Variants in SYNPR observed in about 807,000 individuals in gnomAD.
The protein encoded by SYNPR is synaptoporin.
In SYNPR, 23 loss-of-function variants were observed where a neutral mutation model predicts 32.9. The ratio of observed to expected loss-of-function variants is 0.70; its 90% CI spans 0.50 to 0.99. The LOEUF is 0.99. Among genes scored for constraint, SYNPR ranks in the 50% least tolerant of loss-of-function variants. The probability of loss-of-function intolerance (pLI) is 0.00; values close to 1 mark genes in which losing one functional copy is unlikely to be tolerated. For synonymous variants in SYNPR, 146 were observed against 135.9 expected (o/e 1.07, Z -0.52); for missense variants, 318 against 349.3 (o/e 0.91, Z 0.71).
At chr3:63,386,600 T>TTTCCTTCCTTCCTTCCTTCCTTCC (rs796874443) in intron 2 of SYNPR, among the ~76,000 whole-genome samples, 1 of 92,320 alleles carries the variant, frequency 1.1e-5, no homozygotes, top group African/African-American at 5.8e-5. Context: ...TTGGATTATA[T>TTTCCTTCCTTCCTTCCTTCCTTCC]TTACTTCCTT....
intron 3 of SYNPR, among the ~76,000 whole-genome samples, chr3:63,529,112 G>A (rs1702066891): frequency 6.6e-6 from 1 of 151,940 alleles, no homozygotes; most frequent in East Asian, 1.9e-4. Flanking sequence ...TTTTTTTCCC[G>A]CATTTATACA....
chr3:63,397,597 C>T (rs922122364), intron 2 of SYNPR, among the ~76,000 whole-genome samples: 7 of 152,258 alleles, frequency 4.6e-5, no homozygotes, highest in South Asian at 4.1e-4. Flanking sequence ...AGGTCTTACT[C>T]GCTCTGAAGT....
chr3:63,437,257 T>C (rs914006584), intron 2 of SYNPR, among the ~76,000 whole-genome samples: 2 of 152,178 alleles, frequency 1.3e-5, no homozygotes, highest in African/African-American at 4.8e-5. Context: ...TCAAACAACC[T>C]GGCAAAGGGT....
intron 2 of SYNPR, among the ~76,000 whole-genome samples, chr3:63,283,713 T>C (rs11922093): frequency 0.07 from 10,293 of 146,244 alleles, 398 homozygotes; most frequent in African/African-American, 0.095. Context: ...TCTCTTAAAC[T>C]ATCATTTGGA....
chr3:63,329,971 T>C (rs2087208162), intron 2 of SYNPR: 1 of 152,032 alleles, frequency 6.6e-6, no homozygotes, highest in Non-Finnish European at 1.5e-5. Context: ...CAGGAGAGCA[T>C]GTAACCCCTT....
intron 2 of SYNPR, among the ~76,000 whole-genome samples, chr3:63,381,352 T>C (rs1374218506): frequency 1.3e-5 from 2 of 152,190 alleles, no homozygotes; most frequent in African/African-American, 4.8e-5. Flanking sequence ...ACAAGGGATG[T>C]GAAGGACCTC....
At chr3:63,445,810 T>C (rs1700267218) in intron 2 of SYNPR, among the ~76,000 whole-genome samples, 1 of 152,184 alleles carries the variant, frequency 6.6e-6, no homozygotes, top group Non-Finnish European at 1.5e-5. Context: ...CCATCTGTCA[T>C]TGGTACAATC....
At chr3:63,264,526 C>T (rs988375085) in intron 2 of SYNPR, among the ~76,000 whole-genome samples, 4 of 152,172 alleles carry the variant, frequency 2.6e-5, no homozygotes, top group Non-Finnish European at 5.9e-5. Context: ...CCTATCAGCA[C>T]ATAGCAGGCA....
At chr3:63,219,122 AAT>A in the SYNPR span, among the ~76,000 whole-genome samples, 2 of 152,196 alleles carry the variant, frequency 1.3e-5, no homozygotes, top group Non-Finnish European at 2.9e-5. Context: ...GGCAGAGACT[AAT>A]GAGGGAGAGG....
chr3:63,545,860 T>C (rs1006105175), intron 3 of SYNPR, among the ~76,000 whole-genome samples: 5 of 152,128 alleles, frequency 3.3e-5, no homozygotes, highest in African/African-American at 1.2e-4. Flanking sequence ...AAAGGTCAGA[T>C]TTCTGCCACC....
At chr3:63,302,160 A>T (rs972608646) in intron 2 of SYNPR, among the ~76,000 whole-genome samples, 14 of 152,060 alleles carry the variant, frequency 9.2e-5, no homozygotes, top group African/African-American at 2.9e-4. Context: ...TTCTCCAGTT[A>T]TTCCTCTGTT....
intron 2 of SYNPR, among the ~76,000 whole-genome samples, chr3:63,476,315 G>T (rs1700918723): frequency 7.7e-6 from 1 of 129,176 alleles, no homozygotes; most frequent in Admixed American, 7.6e-5. Flanking sequence ...AGGGAAGGGA[G>T]GGAAGCAAGG....
chr3:63,527,120 A>T (rs1434842393), intron 3 of SYNPR, among the ~76,000 whole-genome samples: 4 of 152,214 alleles, frequency 2.6e-5, no homozygotes, highest in Admixed American at 2.6e-4. Context: ...GGACAAGGCA[A>T]TCTAGACTGA....
intron 2 of SYNPR, among the ~76,000 whole-genome samples, chr3:63,431,244 G>T (rs1190640193): frequency 6.6e-6 from 1 of 152,194 alleles, no homozygotes; most frequent in Non-Finnish European, 1.5e-5. Context: ...GAAGGACAGA[G>T]AAGAAAACAC....
At chr3:63,259,110 C>A (rs1575578539) in intron 2 of SYNPR, among the ~76,000 whole-genome samples, 1 of 152,192 alleles carries the variant, frequency 6.6e-6, no homozygotes, top group African/African-American at 2.4e-5. Context: ...AATCCAGGAC[C>A]AGATGGATTC....
At chr3:63,309,957 G>T (rs924004557) in intron 2 of SYNPR, among the ~76,000 whole-genome samples, 9 of 151,874 alleles carry the variant, frequency 5.9e-5, no homozygotes, top group Admixed American at 6.6e-5. Flanking sequence ...GACGGTATTT[G>T]CATGACAACA....
chr3:63,499,796 C>T (rs1031491690), intron 3 of SYNPR, among the ~76,000 whole-genome samples: 1 of 151,926 alleles, frequency 6.6e-6, no homozygotes, highest in African/African-American at 2.4e-5. Flanking sequence ...CTTTCTAATA[C>T]ACTAACCTAT....
chr3:63,206,369 T>C, the SYNPR span, among the ~76,000 whole-genome samples: 2 of 151,998 alleles, frequency 1.3e-5, no homozygotes, highest in African/African-American at 2.4e-5. Context: ...TCCCAGCACT[T>C]TGGGAGGCCG....
chr3:63,398,577 G>A (rs774572826), intron 2 of SYNPR, among the ~76,000 whole-genome samples: 14 of 151,906 alleles, frequency 9.2e-5, no homozygotes, highest in Non-Finnish European at 1.8e-4. Flanking sequence ...AATTAGCCGG[G>A]CACAGTGGTG....
Sources: allele counts gnomAD v4.1 joint callset (sites outside exome capture counted in the v4.1 genomes callset), GRCh38; gene constraint gnomAD v4.1.1; transcripts MANE v1.5; gene names NCBI Gene and HGNC (gene_info 2026-07-23, HGNC 2026-07-21).